The following PRSS55 variants were observed in gnomAD, a reference collection of about 807,000 sequenced individuals.
The protein encoded by PRSS55 is probable serine protease UNQ9391/PRO34284.
A neutral mutation model predicts 23.6 loss-of-function variants in PRSS55; 41 were observed. The observed-to-expected ratio is 1.74, with a 90% CI of 1.35 to 2.26. The LOEUF (loss-of-function observed/expected upper bound fraction) is 2.26, where lower values mean the gene tolerates loss of function less well. PRSS55 is among the 30% of genes most tolerant of loss of function. The pLI is 0.00. For missense variants in PRSS55, 669 were observed against 439.1 expected (o/e 1.52, Z -4.68); for synonymous variants, 262 against 175.5 (o/e 1.49, Z -3.90).
downstream of PRSS55, among the ~76,000 whole-genome samples, chr8:10,539,054 A>G (rs1812561047): frequency 7.1e-6 from 1 of 140,574 alleles, no homozygotes; most frequent in Non-Finnish European, 1.5e-5. Flanking sequence ...CATATAACAG[A>G]AAAAAAAAAA....
At chr8:10,544,605 C>A (rs147329038) in intron 4 of PRSS55, among the ~76,000 whole-genome samples, 80 of 152,198 alleles carry the variant, frequency 5.3e-4, no homozygotes, top group South Asian at 1.0e-3. Flanking sequence ...TCCTTTATAG[C>A]CTTTTGTGTC....
At chr8:10,543,455 C>T (rs376101222), downstream of PRSS55, among the ~76,000 whole-genome samples, 6,918 of 101,962 alleles carry the variant, frequency 0.068, 547 homozygotes, top group Middle Eastern at 0.099. Flanking sequence ...ATCCTTCCTT[C>T]CTTCCTTCCT....
chr8:10,528,966 C>G (rs1447141667), intron 1 of PRSS55, among the ~76,000 whole-genome samples: 2 of 152,192 alleles, frequency 1.3e-5, no homozygotes, highest in Admixed American at 1.3e-4. Context: ...TCCTGCTTCC[C>G]TCCACCCCTC....
intron 4 of PRSS55, among the ~76,000 whole-genome samples, chr8:10,537,688 A>G (rs1812504183): frequency 6.6e-6 from 1 of 152,244 alleles, no homozygotes; most frequent in African/African-American, 2.4e-5. Flanking sequence ...TTGTATGCCT[A>G]TATCAAAACG....
At chr8:10,553,618 G>T (rs752638757) in intron 4 of PRSS55, among the ~76,000 whole-genome samples, 9 of 152,220 alleles carry the variant, frequency 5.9e-5, no homozygotes, top group Non-Finnish European at 1.0e-4. Context: ...GAATCGCAGA[G>T]TAGAATGGTG....
rs571965815 is a variant in PRSS55, at chr8:10,532,761, C to T, written c.599-145C>T. 1.7e-5 allele frequency: 16 copies of T among 956,168 alleles called. No individual in the cohort carries two copies. In the African/African-American group the frequency reaches 1.8e-4, roughly 11 times the overall value. 59.2% of individuals were successfully genotyped at this position (956,168 alleles called of 1,614,324 possible). On this transcript the variant is annotated intron_variant, in intron 3 of 4. Coordinates refer to ENST00000328655, the MANE Select transcript of PRSS55 (RefSeq NM_198464.4). ...TGGGTAAGTTGCAGGCATGGGGTAA[C>T]CTGAAGGAAGTGAGGGGCTGCAGAG...
At chr8:10,530,043 G>T (rs1308704209) in intron 2 of PRSS55, among the ~76,000 whole-genome samples, 1 of 152,172 alleles carries the variant, frequency 6.6e-6, no homozygotes, top group East Asian at 1.9e-4. Flanking sequence ...TTGTAATTCT[G>T]GAAGCCTGAC....
chr8:10,546,617 T>A (rs1812824676), intron 4 of PRSS55, among the ~76,000 whole-genome samples: 1 of 152,040 alleles, frequency 6.6e-6, no homozygotes, highest in African/African-American at 2.4e-5. Context: ...CAGGAAGCCC[T>A]CCTGGTCGCA....
At chr8:10,537,631 G>A (rs906866122) in intron 4 of PRSS55, among the ~76,000 whole-genome samples, 6 of 152,144 alleles carry the variant, frequency 3.9e-5, no homozygotes, top group South Asian at 2.1e-4. Context: ...AATGATAAAC[G>A]CTTGAGGGGA....
At chr8:10,546,081 C>T (rs1422288650) in intron 4 of PRSS55, among the ~76,000 whole-genome samples, 2 of 152,114 alleles carry the variant, frequency 1.3e-5, no homozygotes, top group Non-Finnish European at 1.5e-5. Flanking sequence ...AAAGGCAGGG[C>T]TCGGTGTCAC....
intron 4 of PRSS55, among the ~76,000 whole-genome samples, chr8:10,549,850 G>A (rs923040173): frequency 3.3e-5 from 5 of 152,178 alleles, no homozygotes; most frequent in Admixed American, 6.5e-5. Flanking sequence ...CCCTGTTCCC[G>A]GCCTGGCTCT....
At chr8:10,527,154 T>G (rs916310598) in intron 1 of PRSS55, among the ~76,000 whole-genome samples, 5 of 152,258 alleles carry the variant, frequency 3.3e-5, no homozygotes, top group Admixed American at 6.5e-5. Context: ...TCACTCAATT[T>G]TATGTCACAA....
At chr8:10,547,740 C>G (rs967370932) in intron 4 of PRSS55, among the ~76,000 whole-genome samples, 4 of 142,684 alleles carry the variant, frequency 2.8e-5, no homozygotes, top group Admixed American at 2.1e-4. Context: ...CCCCCCGCCC[C>G]GCCCCGCCCC....
In PRSS55 at chr8:10,538,683, C is replaced by T. The variant is rs1812545313; in HGVS notation, c.949C>T (p.Gln317Ter). 1.9e-6 allele frequency: 3 copies of T among 1,614,206 alleles called. No individual in the cohort carries two copies. The highest frequency in any genetic ancestry group is 1.7e-6 in the Non-Finnish European group (2 of 1,180,020). The part of the protein sequence containing the change: ...NAEKRRTSVK[Q>*]KPMGSPVSGV... Reference sequence around the variant, plus strand: ...AGAGAAAAGGAGGACTTCTGTCAAACAGAAACCTATGGGCTCCCCAGTCTC... The same window carrying T: ...AGAGAAAAGGAGGACTTCTGTCAAATAGAAACCTATGGGCTCCCCAGTCTC... Residue 317 changes from glutamine to a stop codon, truncating the protein, a stop_gained, in exon 5 of 5, where the codon CAG (glutamine) becomes TAG (stop). Transcript: ENST00000328655. LOFTEE classifies it low-confidence loss of function (END_TRUNC).
chr8:10,526,280 G>A (rs1036300551), intron 1 of PRSS55, among the ~76,000 whole-genome samples: 16 of 152,186 alleles, frequency 1.1e-4, no homozygotes, highest in African/African-American at 3.6e-4. Context: ...TGGGGCATCT[G>A]CTCTCAGACA....
chr8:10,531,698 T>C (rs1205203485), intron 3 of PRSS55, 153 bp downstream of exon 3: 2 of 1,102,856 alleles, frequency 1.8e-6, no homozygotes, highest in Admixed American at 5.3e-5. Context: ...TCCTTTTGGG[T>C]GCCGAAACCC....
At chr8:10,534,126 C>CAA (rs33911802) in intron 4 of PRSS55, among the ~76,000 whole-genome samples, 77 of 151,744 alleles carry the variant, frequency 5.1e-4, no homozygotes, top group Non-Finnish European at 8.2e-4. Context: ...ATTACCAAAA[C>CAA]AAAAAAAACA....
At chr8:10,546,944 A>T (rs1018767150) in intron 4 of PRSS55, among the ~76,000 whole-genome samples, 4 of 152,072 alleles carry the variant, frequency 2.6e-5, no homozygotes, top group Non-Finnish European at 4.4e-5. Context: ...AGCCTCTCAA[A>T]GTGCTGGGAT....
rs962545497 is a variant in PRSS55, at chr8:10,531,285, C to G, written c.348-10C>G. Reference sequence around the variant, plus strand: ...CTTCCACTTGCCCCTCTCTGGTTCTCTGCCACCAGTCCAGAAGAACTGAGT... The same window carrying G: ...CTTCCACTTGCCCCTCTCTGGTTCTGTGCCACCAGTCCAGAAGAACTGAGT... On this transcript the variant is annotated splice_polypyrimidine_tract_variant and intron_variant, in intron 2 of 4. Coordinates refer to ENST00000328655, the MANE Select transcript of PRSS55 (RefSeq NM_198464.4). 5 of 1,612,646 alleles carry G rather than the reference C, an allele frequency of 3.1e-6. No homozygotes were observed. The highest frequency in any genetic ancestry group is 4.2e-6 in the Non-Finnish European group (5 of 1,178,918).
Sources: allele counts gnomAD v4.1 joint callset (sites outside exome capture counted in the v4.1 genomes callset), GRCh38; gene constraint gnomAD v4.1.1; transcripts MANE v1.5; gene names NCBI Gene and HGNC (gene_info 2026-07-23, HGNC 2026-07-21).